The following SHISA9 variants were observed in gnomAD, a reference collection of about 807,000 sequenced individuals.
SHISA9 encodes protein shisa-9.
A neutral mutation model predicts 38.0 loss-of-function variants in SHISA9; 13 were observed. That is an observed-to-expected ratio of 0.34 (90% CI 0.22 to 0.54). SHISA9 has a LOEUF of 0.54. Ranked by LOEUF, SHISA9 falls within the 20% of genes least tolerant of loss-of-function variation. The pLI, the probability that SHISA9 is intolerant of heterozygous loss-of-function variation, is 0.91. For synonymous variants in SHISA9, 275 were observed against 242.0 expected (o/e 1.14, Z -1.27); for missense variants, 538 against 575.8 (o/e 0.93, Z 0.67).
At chr16:13,140,682 G>A (rs1344975781) in intron 2 of SHISA9, among the ~76,000 whole-genome samples, 1 of 152,184 alleles carries the variant, frequency 6.6e-6, no homozygotes, top group Non-Finnish European at 1.5e-5. Flanking sequence ...GTAAACATGT[G>A]AATAGATCAG....
chr16:13,469,425 A>AAAAAGAAAGAAAGAGAAAGAAAG, the SHISA9 span, among the ~76,000 whole-genome samples: 3 of 117,298 alleles, frequency 2.6e-5, no homozygotes, highest in Admixed American at 7.9e-5. Flanking sequence ...AAGAAAGAAA[A>AAAAAGAAAGAAAGAGAAAGAAAG]AGAAAGAAAG....
chr16:13,031,680 G>A lies in SHISA9; in HGVS notation c.691+114865G>A, dbSNP rs1159368773. ...CTGAGCCTCAATGTCTTCTTTTTAC[G>A]GCCTAAAAAATAATATCTATATCAC... On this transcript the variant is annotated intron_variant, in intron 2 of 4. Coordinates refer to ENST00000558583, the MANE Select transcript of SHISA9 (RefSeq NM_001145204.3). Among the ~76,000 whole-genome samples the A allele has an allele frequency of 2.6e-5, 4 of 151,982 alleles. No individual in the cohort carries two copies. In the East Asian group the frequency reaches 7.7e-4, roughly 29 times the overall value.
chr16:13,507,853 C>T, the SHISA9 span, among the ~76,000 whole-genome samples: 2 of 152,284 alleles, frequency 1.3e-5, no homozygotes, highest in Admixed American at 1.3e-4. Context: ...CTCCAGGTAG[C>T]CCAGCTCAAA....
intron 2 of SHISA9, among the ~76,000 whole-genome samples, chr16:13,130,779 C>T (rs2050299768): frequency 1.3e-5 from 2 of 152,168 alleles, no homozygotes. Flanking sequence ...CAAATGTGGC[C>T]ACAGGCAATA....
chr16:13,507,229 T>C, the SHISA9 span, among the ~76,000 whole-genome samples: 1 of 152,064 alleles, frequency 6.6e-6, no homozygotes, highest in African/African-American at 2.4e-5. Flanking sequence ...ATTTCAGAGA[T>C]AAGAACAATG....
chr16:13,199,284 G>A (rs1365739721), intron 2 of SHISA9, among the ~76,000 whole-genome samples: 1 of 152,176 alleles, frequency 6.6e-6, no homozygotes, highest in Non-Finnish European at 1.5e-5. Context: ...GCCTACCATT[G>A]AGACATTAGT....
intron 2 of SHISA9, among the ~76,000 whole-genome samples, chr16:12,924,218 G>A (rs186150380): frequency 2.8e-4 from 43 of 152,318 alleles, no homozygotes; most frequent in African/African-American, 1.0e-3. Context: ...TGTGCATGAG[G>A]AGGGAAAGGC....
intron 2 of SHISA9, among the ~76,000 whole-genome samples, chr16:13,002,846 A>G (rs1041262653): frequency 1.3e-5 from 2 of 152,052 alleles, no homozygotes; most frequent in African/African-American, 4.8e-5. Context: ...TCCTGTCTTC[A>G]TGGCGCTTGC....
chr16:13,194,901 T>C (rs903722961), intron 2 of SHISA9, among the ~76,000 whole-genome samples: 2 of 152,218 alleles, frequency 1.3e-5, no homozygotes, highest in Admixed American at 1.3e-4. Flanking sequence ...AGGTTTATTA[T>C]TCTTGGAGTG....
At chr16:13,372,020 C>T in the SHISA9 span, among the ~76,000 whole-genome samples, 1 of 152,336 alleles carries the variant, frequency 6.6e-6, no homozygotes, top group South Asian at 2.1e-4. Context: ...TTCAGTTCCT[C>T]CAGAGCTCTT....
the SHISA9 span, among the ~76,000 whole-genome samples, chr16:13,365,946 A>G: frequency 1.3e-5 from 2 of 152,222 alleles, no homozygotes; most frequent in Non-Finnish European, 2.9e-5. Context: ...TCTATAGCTC[A>G]GTAAGTTTCC....
chr16:13,216,012 C>G (rs2051164467), intron 4 of SHISA9, among the ~76,000 whole-genome samples: 1 of 151,988 alleles, frequency 6.6e-6, no homozygotes, highest in Admixed American at 6.6e-5. Context: ...CATGGTGAAA[C>G]CCTGTCTCTA....
rs776238789 is a variant in SHISA9, at chr16:12,916,729, C to T, written c.605C>T (p.Thr202Ile). 44 of 1,552,042 alleles carry T rather than the reference C, an allele frequency of 2.8e-5. No individual in the cohort carries two copies. In the South Asian group the frequency reaches 5.1e-4, roughly 18 times the overall value. Residue 202 changes from threonine to isoleucine, a missense_variant, in exon 2 of 5, where the codon ACT (threonine) becomes ATT (isoleucine). This residue lies in a region of SHISA9 where 326 missense variants were observed against 305.9 expected (regional missense o/e 1.07). Transcript: ENST00000558583. The part of the protein sequence containing the change: ...DVMRPQGHCN[T>I]DHMERDLNIV... ...ATGAGACCACAGGGCCACTGCAACA[C>T]TGATCACATGGAGAGAGACCTAAAC...
At chr16:13,193,447 G>A (rs1303296977) in intron 2 of SHISA9, among the ~76,000 whole-genome samples, 2 of 152,154 alleles carry the variant, frequency 1.3e-5, no homozygotes, top group African/African-American at 2.4e-5. Context: ...TGCCTCCTGG[G>A]TTCAAGCGAT....
chr16:13,011,127 A>G (rs528956959), intron 2 of SHISA9, among the ~76,000 whole-genome samples: 1 of 152,316 alleles, frequency 6.6e-6, no homozygotes, highest in South Asian at 2.1e-4. Context: ...GTTCTTGCTC[A>G]GGTGGGCAGG....
the SHISA9 span, among the ~76,000 whole-genome samples, chr16:13,292,402 A>G: frequency 2.1e-4 from 32 of 152,244 alleles, no homozygotes; most frequent in African/African-American, 7.2e-4. Context: ...TCACCTCTTG[A>G]AATAACCTTG....
At chr16:13,257,354 C>A in the SHISA9 span, among the ~76,000 whole-genome samples, 3 of 152,108 alleles carry the variant, frequency 2.0e-5, no homozygotes, top group Admixed American at 6.5e-5. Context: ...AGTTATTTAA[C>A]CTCTGGGACT....
chr16:13,031,546 T>C (rs2072991523), intron 2 of SHISA9, among the ~76,000 whole-genome samples: 1 of 152,172 alleles, frequency 6.6e-6, no homozygotes, highest in Non-Finnish European at 1.5e-5. Flanking sequence ...TAAGGCAATT[T>C]ATACACATAT....
the SHISA9 span, among the ~76,000 whole-genome samples, chr16:13,446,235 G>A: frequency 7.9e-5 from 12 of 152,122 alleles, no homozygotes; most frequent in Non-Finnish European, 1.2e-4. Context: ...GTGAGCCACC[G>A]TGCCTGGCCG....
Sources: allele counts gnomAD v4.1 joint callset (sites outside exome capture counted in the v4.1 genomes callset), GRCh38; gene constraint gnomAD v4.1.1; regional missense constraint gnomAD v4.1.1; transcripts MANE v1.5; gene names NCBI Gene and HGNC (gene_info 2026-07-23, HGNC 2026-07-21).